The following VPS54 variants were observed in gnomAD, a reference collection of about 807,000 sequenced individuals.
VPS54 encodes the protein VPS54 subunit of GARP complex, also known as vacuolar protein sorting-associated protein 54.
Under a neutral mutation model 121.5 loss-of-function variants are expected in VPS54, and 45 were observed. The observed-to-expected ratio is 0.37, with a 90% CI of 0.29 to 0.47. The LOEUF (loss-of-function observed/expected upper bound fraction) is 0.47, where lower values mean the gene tolerates loss of function less well. VPS54 is among the 20% of genes least tolerant of loss of function. The pLI, the probability that VPS54 is intolerant of heterozygous loss-of-function variation, is 0.99. For synonymous variants in VPS54, 371 were observed against 385.8 expected (o/e 0.96, Z 0.45); for missense variants, 1,090 against 1,131.4 (o/e 0.96, Z 0.52).
intron 12 of VPS54, among the ~76,000 whole-genome samples, chr2:63,925,190 C>A (rs1194546293): frequency 6.6e-6 from 1 of 152,122 alleles, no homozygotes; most frequent in African/African-American, 2.4e-5. Context: ...TATAAACAAC[C>A]TTCACAGATC....
intron 7 of VPS54, among the ~76,000 whole-genome samples, chr2:63,957,769 A>AT (rs1675570524): frequency 1.3e-5 from 2 of 152,274 alleles, no homozygotes; most frequent in South Asian, 4.1e-4. Context: ...CACTTTAATT[A>AT]CAAATCATGA....
chr2:63,984,116 CAA>C, intron 1 of VPS54, 97 bp from the exon 2 acceptor site: 1 of 1,086,518 alleles, frequency 9.2e-7, no homozygotes, highest in East Asian at 2.7e-5. Context: ...AAGAATTTTT[CAA>C]AATACCTCAA....
intron 1 of VPS54, among the ~76,000 whole-genome samples, chr2:64,013,537 G>T: frequency 6.8e-6 from 1 of 146,428 alleles, no homozygotes; most frequent in African/African-American, 2.6e-5. Context: ...ATGTTATTAA[G>T]TAAATGCTGA....
chr2:63,981,054 T>C (rs900809523), intron 3 of VPS54, among the ~76,000 whole-genome samples: 4 of 151,980 alleles, frequency 2.6e-5, no homozygotes, highest in African/African-American at 9.7e-5. Flanking sequence ...ATGAAAAAAG[T>C]ATAAAAAGGA....
chr2:63,953,762 T>G (rs1675368188), intron 7 of VPS54, among the ~76,000 whole-genome samples: 1 of 152,152 alleles, frequency 6.6e-6, no homozygotes, highest in Non-Finnish European at 1.5e-5. Flanking sequence ...GTAGGGGTTG[T>G]GGGGGAGAAA....
intron 7 of VPS54, among the ~76,000 whole-genome samples, chr2:63,958,864 A>G (rs1675621320): frequency 2.6e-5 from 4 of 152,262 alleles, no homozygotes; most frequent in Non-Finnish European, 5.9e-5. Flanking sequence ...TTCTTATTTC[A>G]AGTAAGACCC....
intron 3 of VPS54, among the ~76,000 whole-genome samples, chr2:63,979,132 A>G (rs1042312269): frequency 6.9e-6 from 1 of 145,132 alleles, no homozygotes; most frequent in South Asian, 2.1e-4. Flanking sequence ...TCAGTATGCC[A>G]AAGGCTTATC....
chr2:63,902,457 A>T (rs974285722), intron 20 of VPS54, among the ~76,000 whole-genome samples: 2 of 152,208 alleles, frequency 1.3e-5, no homozygotes, highest in African/African-American at 2.4e-5. Flanking sequence ...ACCATAACAA[A>T]CATAGCCTGA....
chr2:64,014,740 C>A (rs1678600181), intron 1 of VPS54, among the ~76,000 whole-genome samples: 1 of 152,170 alleles, frequency 6.6e-6, no homozygotes, highest in Admixed American at 6.5e-5. Flanking sequence ...ATACATATTA[C>A]CTCATTTAAT....
chr2:63,894,951 G>C lies in VPS54; in HGVS notation c.2829-1416C>G, dbSNP rs188633820. On this transcript the variant is annotated intron_variant, in intron 22 of 22. Coordinates refer to ENST00000272322, the MANE Select transcript of VPS54 (RefSeq NM_016516.3). ...GTTACCTAAAGGCTGGGAGAAAAAG[G>C]GAATCGGACTGCAGATGGGGTGTAA... Among the ~76,000 whole-genome samples, 807 of 152,278 alleles carry C rather than the reference G, an allele frequency of 5.3e-3. 8 individuals are homozygous for C. Among genetic ancestry groups the C allele is most frequent in the African/African-American group, 0.018 (764 of 41,560 alleles).
chr2:63,923,038 G>C (rs556837566), intron 12 of VPS54, among the ~76,000 whole-genome samples: 1 of 152,048 alleles, frequency 6.6e-6, no homozygotes, highest in Non-Finnish European at 1.5e-5. Flanking sequence ...TGGGGCTGGG[G>C]CGCGGTGGCT....
chr2:63,931,841 C>A (rs542289706), intron 12 of VPS54, among the ~76,000 whole-genome samples: 2 of 152,248 alleles, frequency 1.3e-5, no homozygotes, highest in South Asian at 4.2e-4. Context: ...AAAAAGTGGG[C>A]AAAGGATATG....
chr2:63,975,092 C>T, intron 3 of VPS54: 1 of 1,501,274 alleles, frequency 6.7e-7, no homozygotes, highest in Admixed American at 2.0e-5. Flanking sequence ...GTCACCCAAT[C>T]TGTAGTGCAG....
chr2:63,968,008 A>G (rs1676089659), intron 5 of VPS54, among the ~76,000 whole-genome samples: 1 of 152,208 alleles, frequency 6.6e-6, no homozygotes, highest in Non-Finnish European at 1.5e-5. Flanking sequence ...AGAATGTGTA[A>G]AGATTACATG....
chr2:63,912,697 T>TAAAA, intron 18 of VPS54, 36 bp from the exon 19 acceptor site: 1 of 1,201,036 alleles, frequency 8.3e-7, no homozygotes, highest in Non-Finnish European at 1.1e-6. Flanking sequence ...AATGGAGAAA[T>TAAAA]AAAAAAAAAA....
At chr2:63,938,059 G>GTGGTGTGTGT (rs9309357) in intron 11 of VPS54, among the ~76,000 whole-genome samples, 14,268 of 140,304 alleles carry the variant, frequency 0.1, 1,016 homozygotes, top group Non-Finnish European at 0.15. Context: ...TGGTGTGTGT[G>GTGGTGTGTGT]GTGTGTGTGT....
chr2:63,982,555 T>C (rs1676846456), intron 2 of VPS54, among the ~76,000 whole-genome samples: 1 of 152,232 alleles, frequency 6.6e-6, no homozygotes, highest in African/African-American at 2.4e-5. Context: ...GTTTTGTGTG[T>C]TTAAAGACGC....
intron 6 of VPS54, 147 bp from the exon 7 acceptor site, chr2:63,962,590 G>A: frequency 9.6e-7 from 1 of 1,042,160 alleles, no homozygotes; most frequent in Non-Finnish European, 1.3e-6. Context: ...TTGAAATTGG[G>A]CACAACAAAA....
chr2:63,947,320 A>T, intron 9 of VPS54, 63 bp downstream of exon 9: 1 of 1,356,724 alleles, frequency 7.4e-7, no homozygotes, highest in Non-Finnish European at 9.9e-7. Flanking sequence ...TACTAGGATA[A>T]CATAAAAATA....
Sources: gnomAD v4.1 joint callset for allele counts (sites outside exome capture counted in the v4.1 genomes callset) on GRCh38, gnomAD v4.1.1 for gene constraint, MANE v1.5 for transcripts, NCBI Gene and HGNC (gene_info 2026-07-23, HGNC 2026-07-21) for gene names.